The following REV3L variants were observed in gnomAD, a reference collection of about 807,000 sequenced individuals.
The protein encoded by REV3L is REV3 like, DNA directed polymerase zeta catalytic subunit, also known as DNA polymerase zeta catalytic subunit.
Under a neutral mutation model 299.4 loss-of-function variants are expected in REV3L, and 69 were observed. The observed-to-expected ratio is 0.23, with a 90% CI of 0.19 to 0.28. The LOEUF (loss-of-function observed/expected upper bound fraction) is 0.28. Among genes scored for constraint, REV3L ranks in the 10% least tolerant of loss-of-function variants. The pLI, the probability that REV3L is intolerant of heterozygous loss-of-function variation, is 1.00. For synonymous variants in REV3L, 1,238 were observed against 1,271.4 expected (o/e 0.97, Z 0.56); for missense variants, 3,128 against 3,693.8 (o/e 0.85, Z 3.97).
In REV3L at chr6:111,335,522, T is replaced by C; in HGVS notation, c.7627A>G (p.Met2543Val). 6.2e-7 allele frequency: 1 copy of C among 1,613,672 alleles called. No individual in the cohort carries two copies. The highest frequency in any genetic ancestry group is 8.5e-7 in the Non-Finnish European group (1 of 1,179,736). Residue 2543 changes from methionine to valine, a missense_variant, in exon 22 of 32, where the codon ATG becomes GTG. Around this residue, in one of 9 missense-constraint regions of REV3L, gnomAD observed 149 missense variants for 286.4 expected, o/e 0.52. Coordinates refer to ENST00000368802, the MANE Select transcript of REV3L (RefSeq NM_001372078.1). ...AACTGAATGCCAAAAAGTCTAGCCA[T>C]CTCACTGGTTTTCCCAATCAGGTCC... ...QLDLIGKTSE[M>V]ARLFGIQFLH...
At chr6:111,335,658 A>T (rs370658082) in intron 21 of REV3L, 48 bp from the exon 22 acceptor site, 1 of 1,547,592 alleles carries the variant, frequency 6.5e-7, no homozygotes, top group Non-Finnish European at 8.7e-7. Context: ...AAATTTGGAC[A>T]CTTGAAAACA....
intron 1 of REV3L, among the ~76,000 whole-genome samples, chr6:111,475,690 C>G (rs1010231045): frequency 2.0e-5 from 3 of 152,100 alleles, no homozygotes; most frequent in African/African-American, 7.2e-5. Flanking sequence ...AGGAACTTAG[C>G]CCTTTGTGAA....
chr6:111,480,873 T>C (rs1793549373), intron 1 of REV3L, among the ~76,000 whole-genome samples: 1 of 150,076 alleles, frequency 6.7e-6, no homozygotes, highest in Admixed American at 6.6e-5. Context: ...TGGTAATCTA[T>C]TGTGGGATGT....
chr6:111,378,367 A>C (rs1282041527), intron 11 of REV3L, among the ~76,000 whole-genome samples: 2 of 152,174 alleles, frequency 1.3e-5, no homozygotes, highest in East Asian at 1.9e-4. Flanking sequence ...TGAATGGGCA[A>C]ACTTTTTTCC....
intron 1 of REV3L, among the ~76,000 whole-genome samples, chr6:111,416,947 C>T (rs191645715): frequency 6.6e-6 from 1 of 151,878 alleles, no homozygotes; most frequent in East Asian, 1.9e-4. Context: ...AAAGCAGTTC[C>T]AGTGTGCAGA....
At chr6:111,457,727 C>T (rs568446986) in intron 1 of REV3L, among the ~76,000 whole-genome samples, 1 of 151,332 alleles carries the variant, frequency 6.6e-6, no homozygotes. Context: ...ATTAAATGGC[C>T]CATATACCTG....
chr6:111,382,929 G>A (rs968084491), intron 9 of REV3L, among the ~76,000 whole-genome samples: 19 of 152,296 alleles, frequency 1.2e-4, no homozygotes, highest in African/African-American at 4.6e-4. Flanking sequence ...AGTAGAGGAG[G>A]TAGAGTCGTG....
At chr6:111,393,023 A>G in intron 4 of REV3L, 51 bp from the exon 5 acceptor site, 2 of 1,333,830 alleles carry the variant, frequency 1.5e-6, no homozygotes, top group Non-Finnish European at 2.1e-6. Flanking sequence ...TTTTCATATA[A>G]TTACTTTTTA....
Position 111,380,069 on chromosome 6 carries a change from G to A in REV3L, c.1367C>T (p.Pro456Leu), listed in dbSNP as rs758432627. 6.2e-7 allele frequency: 1 copy of A among 1,613,724 alleles called. No individual in the cohort carries two copies. The highest frequency in any genetic ancestry group is 8.5e-7 in the Non-Finnish European group (1 of 1,179,836). ...CTCCATTTCCTCTTTTTCAATCTGT[G>A]GTTCATTTTCTTCATCATCACTATT... ...PQNSDDEENE[P>L]QIEKEEMELS... The change falls in exon 11 of 32, where the codon CCA becomes CTA. Residue 456 changes from proline to leucine, a missense_variant. Pro to Leu is a moderately conservative substitution (Grantham distance 98, BLOSUM62 -3). Transcript: ENST00000368802.
intron 1 of REV3L, among the ~76,000 whole-genome samples, chr6:111,478,062 T>C (rs975435404): frequency 3.9e-5 from 6 of 152,236 alleles, no homozygotes; most frequent in African/African-American, 1.4e-4. Context: ...CAAACTGCCC[T>C]GCAAAGAGCA....
chr6:111,407,100 A>G (rs1435809654), intron 3 of REV3L, among the ~76,000 whole-genome samples: 1 of 152,070 alleles, frequency 6.6e-6, no homozygotes, highest in Non-Finnish European at 1.5e-5. Context: ...ACAGAGCAAG[A>G]TCCTGTGTCT....
intron 26 of REV3L, among the ~76,000 whole-genome samples, chr6:111,316,768 T>C (rs767142505): frequency 1.3e-5 from 2 of 151,856 alleles, no homozygotes; most frequent in African/African-American, 2.4e-5. Context: ...AAAATCAACA[T>C]CTGTAATCAT....
Position 111,400,158 on chromosome 6 carries a change from G to A in REV3L, c.565+5312C>T, listed in dbSNP as rs866239776. Among the ~76,000 whole-genome samples the A allele has an allele frequency of 5.3e-5, 8 of 151,996 alleles. No individual in the cohort carries two copies. In the South Asian group the frequency reaches 6.2e-4, roughly 12 times the overall value. On this transcript the variant is annotated intron_variant, in intron 4 of 31. Coordinates refer to ENST00000368802, the MANE Select transcript of REV3L (RefSeq NM_001372078.1). ...CATTCCCCTGTTGAGTGGACATCTC[G>A]GTTGCTTTACATTTTTGGCAGTTAT...
rs896996096 is a variant in REV3L at position 111,450,349 on chromosome 6, C to T, written c.139+32401G>A. On this transcript the variant is annotated intron_variant, in intron 1 of 31. Coordinates refer to ENST00000368802, the MANE Select transcript of REV3L (RefSeq NM_001372078.1). ...AAAAAATTAGCCAGGCACGGTGATGCGCACCTGTTGTTCCAGCTATTCAGG... is the reference window on the plus strand; with the variant it reads ...AAAAAATTAGCCAGGCACGGTGATGTGCACCTGTTGTTCCAGCTATTCAGG... 3.3e-5 allele frequency among the ~76,000 whole-genome samples: 5 copies of T among 151,666 alleles called. No homozygotes were observed. The South Asian group carries it at 6.2e-4, about 19-fold the overall frequency.
chr6:111,407,831 G>A (rs13210176), intron 3 of REV3L, among the ~76,000 whole-genome samples: 8,545 of 152,182 alleles, frequency 0.056, 275 homozygotes, highest in Middle Eastern at 0.085. Context: ...AACTACTCAG[G>A]AGGCTGAGGC....
intron 4 of REV3L, among the ~76,000 whole-genome samples, chr6:111,395,193 C>T (rs1444593438): frequency 2.0e-5 from 3 of 152,116 alleles, no homozygotes; most frequent in Non-Finnish European, 4.4e-5. Context: ...TATTTAGGCT[C>T]TTTTGTAGTT....
At chr6:111,477,827 C>G (rs1318658857) in intron 1 of REV3L, among the ~76,000 whole-genome samples, 1 of 152,132 alleles carries the variant, frequency 6.6e-6, no homozygotes, top group Admixed American at 6.5e-5. Context: ...GGAAACAGAT[C>G]AGAAGGGGAC....
At chr6:111,322,355 G>T (rs780761308) in intron 26 of REV3L, among the ~76,000 whole-genome samples, 2 of 152,118 alleles carry the variant, frequency 1.3e-5, no homozygotes, top group Non-Finnish European at 2.9e-5. Context: ...GAAGCCATAG[G>T]TATCTTCAGT....
At position 111,380,101 on chromosome 6, in the gene REV3L, A is replaced by G; in HGVS notation, c.1335T>C (p.Tyr445=). 1.2e-6 allele frequency: 2 copies of G among 1,613,448 alleles called. No homozygotes were observed. The highest frequency in any genetic ancestry group is 2.7e-5 in the African/African-American group (2 of 74,886). Residue 445 remains tyrosine, a synonymous_variant, in exon 11 of 32, where the codon TAT becomes TAC. Transcript: ENST00000368802. ...SPCRSFGNNK[Y]PQNSDDEENE... ...TTTCTTCATCATCACTATTTTGTGG[A>G]TATTTATTATTTCCAAAGGAGCGAC...
Sources: allele counts gnomAD v4.1 joint callset (sites outside exome capture counted in the v4.1 genomes callset), GRCh38; gene constraint gnomAD v4.1.1; regional missense constraint gnomAD v4.1.1; transcripts MANE v1.5; gene names NCBI Gene and HGNC (gene_info 2026-07-23, HGNC 2026-07-21).